The following UTP20 variants were observed in gnomAD, a reference collection of about 807,000 sequenced individuals.
The protein encoded by UTP20 is UTP20 small subunit processome component, also known as small subunit processome component 20 homolog.
Under a neutral mutation model 329.5 loss-of-function variants are expected in UTP20, and 164 were observed. The observed-to-expected ratio is 0.50, with a 90% CI of 0.44 to 0.57. The LOEUF (loss-of-function observed/expected upper bound fraction) is 0.57. Among genes scored for constraint, UTP20 ranks in the 20% least tolerant of loss-of-function variants. The pLI is 0.00. For missense variants in UTP20, 3,055 were observed against 3,284.2 expected (o/e 0.93, Z 1.71); for synonymous variants, 1,151 against 1,159.3 (o/e 0.99, Z 0.14).
Position 101,300,070 on chromosome 12 carries a change from C to T in UTP20, c.1675+9C>T, listed in dbSNP as rs761931846. 6 of 1,612,066 alleles carry T rather than the reference C, an allele frequency of 3.7e-6. No homozygotes were observed. The South Asian group carries it at 4.4e-5, about 12-fold the overall frequency. ...AGGAAGCTTTGGGAAAGGTCAGTTA[C>T]AATCATCATGTGTTCTCTTCTCTTC... On this transcript the variant is annotated intron_variant, in intron 14 of 61. Coordinates refer to ENST00000261637, the MANE Select transcript of UTP20 (RefSeq NM_014503.3).
intron 25 of UTP20, among the ~76,000 whole-genome samples, chr12:101,324,995 G>A (rs921037377): frequency 2.0e-5 from 3 of 152,034 alleles, no homozygotes; most frequent in Non-Finnish European, 4.4e-5. Flanking sequence ...CCATCCACAT[G>A]ACAAAACTTT....
In UTP20 at chr12:101,338,260, T is replaced by C; in HGVS notation, c.3851T>C (p.Ile1284Thr). 2 of 1,614,128 alleles carry C rather than the reference T, an allele frequency of 1.2e-6. No homozygotes were observed. Among genetic ancestry groups the C allele is most frequent in the Non-Finnish European group, 1.7e-6 (2 of 1,180,002 alleles). Reference protein sequence around the residue: ...LLVTGCVYPGIAENIGESITI... With the variant: ...LLVTGCVYPGTAENIGESITI... ...GTAACTGGATGTGTATACCCTGGCATAGCAGAAAACATCGGTGGTATGTAT... is the reference window on the plus strand; with the variant it reads ...GTAACTGGATGTGTATACCCTGGCACAGCAGAAAACATCGGTGGTATGTAT... Residue 1284 changes from isoleucine to threonine, a missense_variant, in exon 30 of 62, where the codon ATA becomes ACA. By Grantham distance (89) the Ile-to-Thr change is moderately conservative. Coordinates refer to ENST00000261637, the MANE Select transcript of UTP20 (RefSeq NM_014503.3).
In UTP20 at chr12:101,281,097, A is replaced by C; in HGVS notation, c.46-19A>C. On this transcript the variant is annotated intron_variant, in intron 1 of 61. Transcript: ENST00000261637. Reference sequence around the variant, plus strand: ...AAATTTTAATTAATTATGTATCTTAAATATACTTTCCCTTCCAGTTTCTTA... The same window carrying C: ...AAATTTTAATTAATTATGTATCTTACATATACTTTCCCTTCCAGTTTCTTA... The C allele has an allele frequency of 6.3e-7, 1 of 1,594,312 alleles. No individual in the cohort carries two copies. The highest frequency in any genetic ancestry group is 8.6e-7 in the Non-Finnish European group (1 of 1,164,410).
chr12:101,343,104 A>G lies in UTP20; in HGVS notation c.4449+11A>G. The G allele has an allele frequency of 1.3e-6, 2 of 1,564,678 alleles. No individual in the cohort carries two copies. Among genetic ancestry groups the G allele is most frequent in the Admixed American group, 1.9e-5 (1 of 53,656 alleles). On this transcript the variant is annotated intron_variant, in intron 35 of 61. Transcript: ENST00000261637. ...TTCTATAATCTAGAGGTAGGTTATT[A>G]TAGCAAAATTTTTAAATTATTTTTT...
At chr12:101,347,117 C>G (rs1160659320) in intron 38 of UTP20, among the ~76,000 whole-genome samples, 1 of 152,096 alleles carries the variant, frequency 6.6e-6, no homozygotes, top group Non-Finnish European at 1.5e-5. Context: ...CTCAGAGACA[C>G]CCAGAGTCAG....
chr12:101,373,298 T>G, intron 52 of UTP20, 103 bp from the exon 53 acceptor site: 1 of 1,156,802 alleles, frequency 8.6e-7, no homozygotes, highest in Non-Finnish European at 1.2e-6. Flanking sequence ...TTTCCATTTT[T>G]TTAAGAAGTA....
intron 22 of UTP20, among the ~76,000 whole-genome samples, chr12:101,318,354 G>C (rs993190749): frequency 4.6e-5 from 7 of 152,116 alleles, no homozygotes; most frequent in Non-Finnish European, 1.0e-4. Flanking sequence ...ATGCCCATTT[G>C]TTGCGTATTT....
At chr12:101,339,270 G>A (rs1401296307) in intron 31 of UTP20, among the ~76,000 whole-genome samples, 1 of 152,044 alleles carries the variant, frequency 6.6e-6, no homozygotes, top group Non-Finnish European at 1.5e-5. Flanking sequence ...CCGAGATCGC[G>A]CCACTGCACT....
Position 101,383,839 on chromosome 12 carries a change from TATACACACAC to T in UTP20, c.8056+172_8056+181del, listed in dbSNP as rs1223386600. ...ACTTATATATGTTTATATTTATATA[TATACACACAC>T]ACACACACACATACATTTAAAAAAG... On this transcript the variant is annotated intron_variant, in intron 60 of 61. Transcript: ENST00000261637. Among the ~76,000 whole-genome samples the T allele has an allele frequency of 1.7e-3, 245 of 147,674 alleles. 1 individual carries two copies. Among genetic ancestry groups the T allele is most frequent in the Non-Finnish European group, 2.9e-3 (194 of 67,128 alleles).
chr12:101,329,191 C>T (rs1211764417), intron 26 of UTP20, 50 bp from the exon 27 acceptor site: 1 of 1,472,724 alleles, frequency 6.8e-7, no homozygotes, highest in Non-Finnish European at 9.4e-7. Flanking sequence ...TAAATAGTAA[C>T]AAACTAATAT....
Position 101,386,234 on chromosome 12 carries a change from A to G in UTP20, c.*111A>G, listed in dbSNP as rs1171625353. ...GGCGTTTTTTTTTTTTTTTGAGACA[A>G]GGTCTCACTCTGTCACCCAAGGTGG... On this transcript the variant is annotated 3_prime_UTR_variant, in exon 62 of 62. Coordinates refer to ENST00000261637, the MANE Select transcript of UTP20 (RefSeq NM_014503.3). The G allele has an allele frequency of 2.1e-5, 21 of 993,456 alleles. No homozygotes were observed. Among genetic ancestry groups the G allele is most frequent in the Non-Finnish European group, 2.2e-5 (15 of 668,180 alleles). 61.5% of individuals were successfully genotyped at this position (993,456 alleles called of 1,614,324 possible).
Position 101,373,770 on chromosome 12 carries a change from GTGCGT to G in UTP20, c.7131+7_7131+11del, listed in dbSNP as rs1299533472. ...CCACTTGGTTTGGAGCAAAAAAGGTGTGCGTTGCTTTTAGTCACAGTTCAGTGACA... is the reference window on the plus strand; with the variant it reads ...CCACTTGGTTTGGAGCAAAAAAGGTGTGCTTTTAGTCACAGTTCAGTGACA... On this transcript the variant is annotated splice_donor_5th_base_variant and intron_variant, in intron 54 of 61. Transcript: ENST00000261637. The G allele has an allele frequency of 6.2e-7, 1 of 1,607,808 alleles. No individual in the cohort carries two copies. Among genetic ancestry groups the G allele is most frequent in the African/African-American group, 1.3e-5 (1 of 74,500 alleles).
intron 19 of UTP20, among the ~76,000 whole-genome samples, chr12:101,311,163 G>T (rs1230095617): frequency 6.6e-6 from 1 of 152,192 alleles, no homozygotes; most frequent in African/African-American, 2.4e-5. Context: ...TAAAGTTTAT[G>T]CATATTCTTA....
chr12:101,381,211 G>A lies in UTP20; in HGVS notation c.7656G>A (p.Gln2552=). ...SKFLDQSLGE[Q]VVKNLLFAAK... The stretch of plus-strand genomic sequence containing the variant: ...TCTTGGATCAGTCTCTAGGAGAACA[G>A]GTAAGAATTGTAGTTCTCCCAGTTT... Residue 2552 remains glutamine (Q), a splice_region_variant and synonymous_variant, in exon 58 of 62, where the codon CAG becomes CAA. Transcript: ENST00000261637. 1 of 1,611,894 alleles carries A rather than the reference G, an allele frequency of 6.2e-7. No homozygotes were observed. The highest frequency in any genetic ancestry group is 2.2e-5 in the East Asian group (1 of 44,868).
At chr12:101,291,044 CCT>C in intron 8 of UTP20, 156 bp downstream of exon 8, 2 of 678,002 alleles carry the variant, frequency 2.9e-6, no homozygotes, top group Non-Finnish European at 4.4e-6. Context: ...CCTCTGCCCC[CCT>C]GTGCTATTTT....
intron 2 of UTP20, 44 bp from the exon 3 acceptor site, chr12:101,285,526 T>C (rs1420506064): frequency 2.5e-6 from 4 of 1,578,164 alleles, no homozygotes; most frequent in Non-Finnish European, 3.5e-6. Flanking sequence ...TGATCATTGC[T>C]TTCTTAGAGT....
intron 25 of UTP20, among the ~76,000 whole-genome samples, chr12:101,326,630 AT>A (rs1868567934): frequency 6.6e-6 from 1 of 150,816 alleles, no homozygotes; most frequent in South Asian, 2.1e-4. Context: ...ATATATTCTC[AT>A]TTTCATTTTT....
intron 61 of UTP20, 79 bp downstream of exon 61, chr12:101,385,807 A>G (rs1870808107): frequency 6.5e-7 from 1 of 1,535,506 alleles, no homozygotes; most frequent in Admixed American, 2.4e-5. Context: ...TCACACTTAC[A>G]CTTAGGGAGG....
chr12:101,313,583 G>A (rs1036313253), intron 21 of UTP20, among the ~76,000 whole-genome samples: 3 of 152,086 alleles, frequency 2.0e-5, no homozygotes, highest in African/African-American at 7.2e-5. Flanking sequence ...AAGTGATGGC[G>A]ACTTAACCAA....
Sources: allele counts gnomAD v4.1 joint callset (sites outside exome capture counted in the v4.1 genomes callset), GRCh38; gene constraint gnomAD v4.1.1; transcripts MANE v1.5; gene names NCBI Gene and HGNC (gene_info 2026-07-23, HGNC 2026-07-21).